The following RYR3 variants were observed in gnomAD, a reference collection of about 807,000 sequenced individuals.
The protein encoded by RYR3 is brain ryanodine receptor-calcium release channel.
A neutral mutation model predicts 584.3 loss-of-function variants in RYR3; 207 were observed. The ratio of observed to expected loss-of-function variants is 0.35; its 90% confidence interval spans 0.32 to 0.40. The LOEUF is 0.40. RYR3 is among the 10% of genes least tolerant of loss of function. The probability of loss-of-function intolerance (pLI) is 1.00; values close to 1 mark genes in which losing one functional copy is unlikely to be tolerated. For synonymous variants in RYR3, 2,416 were observed against 2,248.5 expected, an observed-to-expected ratio of 1.07 and a Z score of -2.11; for missense variants, 5,616 against 6,089.2, an observed-to-expected ratio of 0.92 and a Z score of 2.59.
chr15:33,836,611 C>T (rs2078070241), intron 87 of RYR3, among the ~76,000 whole-genome samples: 1 of 152,216 alleles, frequency 6.6e-6, no homozygotes, highest in South Asian at 2.1e-4. Context: ...CCTGAAGGCT[C>T]TTTGGTGCAT....
chr15:33,325,912 C>T (rs1486942368), intron 1 of RYR3, among the ~76,000 whole-genome samples: 2 of 152,082 alleles, frequency 1.3e-5, no homozygotes, highest in African/African-American at 2.4e-5. Context: ...AGCAATCCTC[C>T]CACCTCAGCC....
At chr15:33,718,735 T>G (rs1377157192) in intron 43 of RYR3, among the ~76,000 whole-genome samples, 1 of 152,214 alleles carries the variant, frequency 6.6e-6, no homozygotes, top group Non-Finnish European at 1.5e-5. Flanking sequence ...TGGGTATGAC[T>G]GTTTTACCAG....
intron 49 of RYR3, 143 bp downstream of exon 49, chr15:33,736,468 G>A (rs8041430): frequency 3.6e-6 from 2 of 560,600 alleles, no homozygotes; most frequent in African/African-American, 1.9e-5. Flanking sequence ...TAACAAGATA[G>A]ATCCCACAAA....
chr15:33,602,574 A>G (rs1272416287), intron 17 of RYR3, among the ~76,000 whole-genome samples: 1 of 152,176 alleles, frequency 6.6e-6, no homozygotes, highest in East Asian at 1.9e-4. Context: ...TCTGTATAAC[A>G]TTTCAGCATC....
intron 11 of RYR3, 113 bp from the exon 12 acceptor site, chr15:33,566,565 A>G (rs968300966): frequency 3.2e-5 from 37 of 1,155,118 alleles, no homozygotes; most frequent in Middle Eastern, 2.0e-4. Context: ...GACCCAAGAG[A>G]GCTTATTTGG....
chr15:33,661,768 T>C (rs1003635523), intron 34 of RYR3, among the ~76,000 whole-genome samples: 1 of 152,182 alleles, frequency 6.6e-6, no homozygotes, highest in African/African-American at 2.4e-5. Flanking sequence ...GAAAGCATAA[T>C]CTACATTTTC....
At chr15:33,519,501 A>G (rs2053803899) in intron 3 of RYR3, among the ~76,000 whole-genome samples, 1 of 152,100 alleles carries the variant, frequency 6.6e-6, no homozygotes, top group Non-Finnish European at 1.5e-5. Context: ...GAAGGGTCCT[A>G]TGTGGCTAAG....
chr15:33,463,730 C>G (rs2048229153), intron 1 of RYR3, among the ~76,000 whole-genome samples: 1 of 152,146 alleles, frequency 6.6e-6, no homozygotes, highest in African/African-American at 2.4e-5. Context: ...TATAAGAGAT[C>G]AAGCCATGGG....
intron 64 of RYR3, among the ~76,000 whole-genome samples, chr15:33,779,460 T>C (rs117085111): frequency 2.2e-4 from 34 of 152,298 alleles, no homozygotes; most frequent in Admixed American, 5.9e-4. Context: ...CTATTGTTTC[T>C]GTTGTAAGGG....
intron 1 of RYR3, among the ~76,000 whole-genome samples, chr15:33,403,095 G>C (rs911865449): frequency 2.0e-5 from 3 of 152,206 alleles, no homozygotes; most frequent in African/African-American, 7.2e-5. Context: ...GAAATGAATG[G>C]TCAAGAGAGC....
intron 1 of RYR3, among the ~76,000 whole-genome samples, chr15:33,454,664 C>G (rs1270827202): frequency 1.3e-5 from 2 of 152,138 alleles, no homozygotes; most frequent in Non-Finnish European, 2.9e-5. Context: ...GATGGACCCT[C>G]CCAGATTAGA....
At chr15:33,646,627 G>T (rs1355103294) in intron 29 of RYR3, 101 bp downstream of exon 29, 9 of 1,064,980 alleles carry the variant, frequency 8.5e-6, no homozygotes. Flanking sequence ...TCCACTGATA[G>T]GGTTCTCTCT....
rs575287385 is a variant in RYR3, at chr15:33,442,374, G to A, written c.52-31045G>A. Among the ~76,000 whole-genome samples the A allele has an allele frequency of 4.6e-5, 7 of 152,274 alleles. No homozygotes were observed. In the East Asian group the frequency reaches 1.2e-3, roughly 25 times the overall value. On this transcript the variant is annotated intron_variant, in intron 1 of 103. Transcript: ENST00000634891. The stretch of plus-strand genomic sequence containing the variant: ...GGAACTACAATTTACCTTTGAGCAT[G>A]TTTGCTTATTATTTTTATTTTGATT...
At chr15:33,622,135 C>T (rs889710989) in intron 19 of RYR3, among the ~76,000 whole-genome samples, 2 of 152,140 alleles carry the variant, frequency 1.3e-5, no homozygotes, top group Admixed American at 1.3e-4. Flanking sequence ...CTGCATAGGG[C>T]GACTAGGAGA....
At chr15:33,585,622 A>G (rs2058808945) in intron 15 of RYR3, among the ~76,000 whole-genome samples, 1 of 152,278 alleles carries the variant, frequency 6.6e-6, no homozygotes, top group Non-Finnish European at 1.5e-5. Context: ...TTTAGAATTT[A>G]TAGTAAACTG....
chr15:33,528,415 C>A lies in RYR3; in HGVS notation c.280-2177C>A, dbSNP rs140033032. On this transcript the variant is annotated intron_variant, in intron 3 of 103. Coordinates refer to ENST00000634891, the MANE Select transcript of RYR3 (RefSeq NM_001036.6). ...CTCCTCTCTTACTATGGAGGTGTGT[C>A]AACAGTCCTACCAGAATGTTGTGGC... is the stretch of plus-strand genomic sequence containing the variant. Among the ~76,000 whole-genome samples, 530 of 152,300 alleles carry A rather than the reference C, an allele frequency of 3.5e-3. 5 individuals carry two copies. The highest frequency in any genetic ancestry group is 0.02 in the Middle Eastern group (6 of 294).
At chr15:33,803,884 G>A (rs1174562247) in intron 69 of RYR3, among the ~76,000 whole-genome samples, 1 of 152,186 alleles carries the variant, frequency 6.6e-6, no homozygotes, top group East Asian at 1.9e-4. Flanking sequence ...GATTGTCAGG[G>A]AACAATCACA....
chr15:33,635,479 A>G lies in RYR3; in HGVS notation c.3176-135A>G. On this transcript the variant is annotated intron_variant, in intron 25 of 103. Coordinates refer to ENST00000634891, the MANE Select transcript of RYR3 (RefSeq NM_001036.6). Reference sequence around the variant, plus strand: ...ACGATCATCATGAACAGAATGCCATATTGGATAGTAGTCGACCTATGGTCA... The same window carrying G: ...ACGATCATCATGAACAGAATGCCATGTTGGATAGTAGTCGACCTATGGTCA... 3 of 668,206 alleles carry G rather than the reference A, an allele frequency of 4.5e-6. No homozygotes were observed. The South Asian group carries it at 5.3e-5, about 12-fold the overall frequency. 41.4% of individuals were successfully genotyped at this position (668,206 alleles called of 1,614,324 possible). A position where few individuals can be genotyped will look rare whatever the true frequency, so the allele number is the denominator to read the frequency against.
intron 1 of RYR3, among the ~76,000 whole-genome samples, chr15:33,441,672 C>T (rs983536386): frequency 2.6e-5 from 4 of 152,166 alleles, no homozygotes; most frequent in African/African-American, 9.7e-5. Flanking sequence ...AATGTTCATT[C>T]CCTAGAAGTT....
Sources: gnomAD v4.1 joint callset for allele counts (sites outside exome capture counted in the v4.1 genomes callset) on GRCh38, gnomAD v4.1.1 for gene constraint, MANE v1.5 for transcripts, NCBI Gene and HGNC (gene_info 2026-07-23, HGNC 2026-07-21) for gene names.